ASPHD1: variants seen among roughly 807,000 people sequenced by gnomAD.
ASPHD1 encodes aspartate beta-hydroxylase domain-containing protein 1.
ASPHD1 carries 20 observed loss-of-function variants against 28.3 expected under a neutral mutation model. That is an observed-to-expected ratio of 0.71 (90% confidence interval 0.50 to 1.03). ASPHD1 has a LOEUF of 1.03. ASPHD1 is among the 50% of genes least tolerant of loss of function. ASPHD1 has a pLI of 0.00. For missense variants in ASPHD1, 479 were observed against 524.1 expected (o/e 0.91, Z 0.84); for synonymous variants, 240 against 221.2 (o/e 1.08, Z -0.75).
At position 29,905,886 on chromosome 16, in the gene ASPHD1, C is replaced by T. The variant is rs748237481; in HGVS notation, c.1162C>T (p.Pro388Ser). The change falls in exon 3 of 3, where the codon CCA (proline) becomes TCA (serine). Residue 388 changes from proline (P) to serine (S), a missense_variant. Coordinates refer to ENST00000308748, the MANE Select transcript of ASPHD1 (RefSeq NM_181718.4). ...CCAGGCCCTCGACTTTGTCTTCGCC[C>T]CAGACCCTTGAAGGAAGGTGCTCCC... ...ERQALDFVFA[P>S]DP 1 of 1,612,898 alleles carries T rather than the reference C, an allele frequency of 6.2e-7. No individual in the cohort carries two copies. The highest frequency in any genetic ancestry group is 1.7e-5 in the Admixed American group (1 of 59,928).
At chr16:29,905,632 A>G (rs1403360345) in intron 2 of ASPHD1, among the ~76,000 whole-genome samples, 156 bp from the exon 3 acceptor site, 2 of 150,234 alleles carry the variant, frequency 1.3e-5, no homozygotes, top group Non-Finnish European at 1.5e-5. Flanking sequence ...ATCTCAGGAA[A>G]AAAAAAAAAA....
At chr16:29,911,738 T>C in intron 3 of ASPHD1, 1 of 1,516,856 alleles carries the variant, frequency 6.6e-7, no homozygotes, top group South Asian at 1.1e-5. Context: ...CGTGTGGCCG[T>C]GGCCCTCGCC....
chr16:29,905,931 G>C lies in ASPHD1; in HGVS notation c.*34G>C, dbSNP rs1165550453. The C allele has an allele frequency of 3.3e-6, 5 of 1,503,040 alleles. No homozygotes were observed. In the Admixed American group the frequency reaches 8.8e-5, roughly 26 times the overall value. 93.1% of individuals were successfully genotyped at this position (1,503,040 alleles called of 1,614,324 possible). On this transcript the variant is annotated 3_prime_UTR_variant, in exon 3 of 3. Coordinates refer to ENST00000308748, the MANE Select transcript of ASPHD1 (RefSeq NM_181718.4). The stretch of plus-strand genomic sequence containing the variant: ...GCTCCCTTCACACACCCAGGCTGGA[G>C]AGACACTGCGCTCAGGGACGGCTTG...
intron 2 of ASPHD1, 144 bp downstream of exon 2, chr16:29,905,109 A>G (rs2068590304): frequency 6.7e-6 from 4 of 596,904 alleles, no homozygotes; most frequent in Non-Finnish European, 1.2e-5. Flanking sequence ...AAGCCGCATA[A>G]CTTCTCCAAT....
Sources: gnomAD v4.1 joint callset for allele counts (sites outside exome capture counted in the v4.1 genomes callset) on GRCh38, gnomAD v4.1.1 for gene constraint, MANE v1.5 for transcripts, NCBI Gene and HGNC (gene_info 2026-07-23, HGNC 2026-07-21) for gene names.